Variants in SPRR2F observed in about 807,000 individuals in gnomAD.
The protein encoded by SPRR2F is small proline-rich protein 2F.
A neutral mutation model predicts 0.8 loss-of-function variants in SPRR2F; 2 were observed. The observed-to-expected ratio is 2.52, with a 90% CI of 1.03 to 7.95. The LOEUF (loss-of-function observed/expected upper bound fraction) is 7.95. SPRR2F is among the 30% of genes most tolerant of loss of function. The pLI is 0.04. For missense variants in SPRR2F, 80 were observed against 85.8 expected (o/e 0.93, Z 0.27); for synonymous variants, 39 against 33.4 (o/e 1.17, Z -0.58).
At chr1:153,115,989 A>G (rs1003696607), upstream of SPRR2F, among the ~76,000 whole-genome samples, 2 of 152,194 alleles carry the variant, frequency 1.3e-5, no homozygotes, top group African/African-American at 2.4e-5. Context: ...ACTACTATGC[A>G]TTTTACACCA....
In SPRR2F at chr1:153,112,579, T is replaced by C. The variant is rs950571123; in HGVS notation, c.155A>G (p.Gln52Arg). 1 of 1,613,038 alleles carries C rather than the reference T, an allele frequency of 6.2e-7. No individual in the cohort carries two copies. The highest frequency in any genetic ancestry group is 1.3e-5 in the African/African-American group (1 of 74,986). Reference protein sequence around the residue: ...PQSCPPQQCQQKCPPVTPSPP... With the variant: ...PQSCPPQQCQRKCPPVTPSPP... ...GGAAGGTGTCACAGGAGGACATTTC[T>C]GCTGGCACTGCTGAGGTGGGCAGGA... Residue 52 changes from glutamine (Q) to arginine (R), a missense_variant, in exon 2 of 2, where the codon CAG becomes CGG. Coordinates refer to ENST00000468739, the MANE Select transcript of SPRR2F (RefSeq NM_001014450.3).
upstream of SPRR2F, among the ~76,000 whole-genome samples, chr1:153,114,968 TGAGGAA>T (rs1387001688): frequency 4.6e-5 from 7 of 151,896 alleles, no homozygotes; most frequent in African/African-American, 7.3e-5. Flanking sequence ...GAAAGGAAAA[TGAGGAA>T]GAGGAAGAGG....
upstream of SPRR2F, among the ~76,000 whole-genome samples, chr1:153,115,362 AT>A (rs1356025448): frequency 6.6e-6 from 1 of 152,200 alleles, no homozygotes; most frequent in East Asian, 1.9e-4. Context: ...GATTTCTAAC[AT>A]GCAAAATTGG....
upstream of SPRR2F, among the ~76,000 whole-genome samples, chr1:153,114,663 G>T (rs1447685084): frequency 1.3e-5 from 2 of 152,070 alleles, no homozygotes; most frequent in African/African-American, 4.8e-5. Context: ...TAATTTGTTT[G>T]CATGTTCTTT....
chr1:153,117,382 C>T (rs191603733), upstream of SPRR2F, among the ~76,000 whole-genome samples: 6 of 152,080 alleles, frequency 3.9e-5, no homozygotes, highest in East Asian at 1.2e-3. Flanking sequence ...AATATGTTAA[C>T]TGTGTTAGTT....
rs1329021883 is a variant in SPRR2F at position 153,112,740 on chromosome 1, G to A, written c.-7C>T. ...GCTGCTGTTGATAAGACATCCTGCT[G>A]GAGTCTCAGAATCTGAAAGAAATTA... On this transcript the variant is annotated 5_prime_UTR_variant, in exon 2 of 2. Coordinates refer to ENST00000468739, the MANE Select transcript of SPRR2F (RefSeq NM_001014450.3). 2.5e-6 allele frequency: 4 copies of A among 1,611,334 alleles called. No homozygotes were observed. The African/African-American group carries it at 4.0e-5, about 16-fold the overall frequency.
chr1:153,115,437 C>T (rs1655705636), upstream of SPRR2F, among the ~76,000 whole-genome samples: 1 of 152,146 alleles, frequency 6.6e-6, no homozygotes, highest in Non-Finnish European at 1.5e-5. Context: ...CCCTGAGACT[C>T]CCCTTCTGAG....
At chr1:153,118,177 A>G (rs1655754896), upstream of SPRR2F, among the ~76,000 whole-genome samples, 1 of 152,066 alleles carries the variant, frequency 6.6e-6, no homozygotes, top group Non-Finnish European at 1.5e-5. Flanking sequence ...ATAAATAGAT[A>G]AATAAACTGT....
upstream of SPRR2F, among the ~76,000 whole-genome samples, chr1:153,118,249 C>G (rs1186221111): frequency 6.6e-6 from 1 of 152,006 alleles, no homozygotes; most frequent in Non-Finnish European, 1.5e-5. Flanking sequence ...CCTATCAAGA[C>G]TCACAAAGAC....
upstream of SPRR2F, among the ~76,000 whole-genome samples, chr1:153,115,580 C>A (rs1655707710): frequency 6.6e-6 from 1 of 152,086 alleles, no homozygotes; most frequent in Non-Finnish European, 1.5e-5. Context: ...CACAGACCAG[C>A]TACATGAGGA....
rs1340688567 is a variant in SPRR2F at position 153,112,368 on chromosome 1, G to T, written c.*147C>A. The T allele has an allele frequency of 1.4e-6, 2 of 1,413,052 alleles. No individual in the cohort carries two copies. Among genetic ancestry groups the T allele is most frequent in the Admixed American group, 2.4e-5 (1 of 41,820 alleles). The allele number at this position is 1,413,052 out of a possible 1,614,324, so 87.5% of individuals were successfully genotyped here. A position where few individuals can be genotyped will look rare whatever the true frequency, so the allele number is the denominator to read the frequency against. On this transcript the variant is annotated 3_prime_UTR_variant, in exon 2 of 2. Transcript: ENST00000468739. ...AAAAAGAAAACCTTTTGCTATCAGA[G>T]ATCATCACAGGCCGATCACAGGCTA...
chr1:153,113,024 C>A (rs1427278755), intron 1 of SPRR2F, among the ~76,000 whole-genome samples: 1 of 152,064 alleles, frequency 6.6e-6, no homozygotes, highest in Non-Finnish European at 1.5e-5. Context: ...AAAATAACAT[C>A]TTCAAGAAAG....
At chr1:153,112,881 T>C (rs1655633582) in intron 1 of SPRR2F, 129 bp from the exon 2 acceptor site, 6 of 1,420,112 alleles carry the variant, frequency 4.2e-6, no homozygotes, top group Non-Finnish European at 5.6e-6. Context: ...TAATTCCCTT[T>C]TCAAGAGTCC....
At chr1:153,118,935 T>C in the SPRR2F span, among the ~76,000 whole-genome samples, 1 of 152,204 alleles carries the variant, frequency 6.6e-6, no homozygotes, top group Non-Finnish European at 1.5e-5. Context: ...TAGAAAGATG[T>C]AATTGGTGAA....
Position 153,112,542 on chromosome 1 carries a change from C to T in SPRR2F, c.192G>A (p.Gln64=), listed in dbSNP as rs372686757. ...ACTTGCTCTTGGGTGGACACTTTGG[C>T]TGGCAGGGTGGGGAAGGTGTCACAG... ...CPPVTPSPPC[Q]PKCPPKSK Residue 64 remains glutamine, a synonymous_variant, in exon 2 of 2, where the codon CAG becomes CAA. Coordinates refer to ENST00000468739, the MANE Select transcript of SPRR2F (RefSeq NM_001014450.3). 3.7e-6 allele frequency: 6 copies of T among 1,612,624 alleles called. No homozygotes were observed. In the African/African-American group the frequency reaches 5.3e-5, roughly 14 times the overall value.
In SPRR2F at chr1:153,112,385, C is replaced by A. The variant is rs1036964858; in HGVS notation, c.*130G>T. Reference sequence around the variant, plus strand: ...CTATCAGAGATCATCACAGGCCGATCACAGGCTAAGAGGAAAGAAGCTCCC... The same window carrying A: ...CTATCAGAGATCATCACAGGCCGATAACAGGCTAAGAGGAAAGAAGCTCCC... On this transcript the variant is annotated 3_prime_UTR_variant, in exon 2 of 2. Transcript: ENST00000468739. 11 of 1,472,338 alleles carry A rather than the reference C, an allele frequency of 7.5e-6. No homozygotes were observed. Among genetic ancestry groups the A allele is most frequent in the Middle Eastern group, 2.6e-4 (1 of 3,904 alleles). 91.2% of individuals were successfully genotyped at this position (1,472,338 alleles called of 1,614,324 possible). A position where few individuals can be genotyped will look rare whatever the true frequency, so the allele number is the denominator to read the frequency against.
upstream of SPRR2F, among the ~76,000 whole-genome samples, chr1:153,116,523 A>G (rs946712604): frequency 7.2e-5 from 11 of 152,190 alleles, no homozygotes; most frequent in Non-Finnish European, 1.5e-4. Context: ...TGAGATAATG[A>G]TCTTTTTCCT....
upstream of SPRR2F, among the ~76,000 whole-genome samples, chr1:153,114,103 A>G (rs1655669296): frequency 7.1e-6 from 1 of 141,522 alleles, no homozygotes; most frequent in Non-Finnish European, 1.5e-5. Flanking sequence ...TTACCTCTGG[A>G]GATGGGAGCT....
chr1:153,117,322 T>C (rs1655738182), upstream of SPRR2F, among the ~76,000 whole-genome samples: 1 of 152,046 alleles, frequency 6.6e-6, no homozygotes, highest in African/African-American at 2.4e-5. Flanking sequence ...TGGACTAAGA[T>C]TGTCTTCTGA....
Sources: allele counts gnomAD v4.1 joint callset (sites outside exome capture counted in the v4.1 genomes callset), GRCh38; gene constraint gnomAD v4.1.1; transcripts MANE v1.5; gene names NCBI Gene and HGNC (gene_info 2026-07-23, HGNC 2026-07-21).